Variants in CACNA1C observed in about 807,000 individuals in gnomAD.
CACNA1C encodes calcium voltage-gated channel subunit alpha1 C, also known as voltage-dependent L-type calcium channel subunit alpha-1C.
CACNA1C carries 30 observed loss-of-function variants against 229.0 expected under a neutral mutation model. The observed-to-expected ratio is 0.13, with a 90% CI of 0.10 to 0.18. The LOEUF (loss-of-function observed/expected upper bound fraction) is 0.18, where lower values mean the gene tolerates loss of function less well. CACNA1C is among the 10% of genes least tolerant of loss of function. The pLI is 1.00. For missense variants in CACNA1C, 1,658 were observed against 2,845.0 expected, an observed-to-expected ratio of 0.58 and a Z score of 9.49; for synonymous variants, 1,114 against 1,132.5, an observed-to-expected ratio of 0.98 and a Z score of 0.33.
At chr12:2,288,546 C>G (rs1317694152) in intron 3 of CACNA1C, 1 of 152,270 alleles carries the variant, frequency 6.6e-6, no homozygotes, top group African/African-American at 2.4e-5. Flanking sequence ...GTCTGTTTTT[C>G]CAGGGTCTTG....
intron 1 of CACNA1C, among the ~76,000 whole-genome samples, chr12:2,035,186 C>T (rs1028794077): frequency 4.6e-5 from 7 of 152,250 alleles, no homozygotes; most frequent in African/African-American, 1.4e-4. Flanking sequence ...TGCGCCAAGG[C>T]ACGTTCTCCT....
At position 2,602,575 on chromosome 12, in the gene CACNA1C, A is replaced by G. The variant is rs79181807; in HGVS notation, c.2960+615A>G. On this transcript the variant is annotated intron_variant, in intron 22 of 46. Coordinates refer to ENST00000399655, the MANE Select transcript of CACNA1C (RefSeq NM_000719.7). The surrounding 1 kb of genome is among the most constrained non-coding windows in gnomAD (Gnocchi z 4.4). ...TGGACGTGAATGTATATGTGTATGT[A>G]TGTGCATATGTATGTGTGAGTGCAT... Among the ~76,000 whole-genome samples the G allele has an allele frequency of 0.01, 1,546 of 150,892 alleles. 31 individuals carry two copies. The highest frequency in any genetic ancestry group is 0.035 in the African/African-American group (1,444 of 40,956).
In CACNA1C at chr12:2,034,247, G is replaced by C. The variant is rs934599336; in HGVS notation, c.139+63046G>C. ...CTTAGTGTGGGAAAGTTAAGATTTT[G>C]CCACATCCAAGTCCTTTTAGATCCA... On this transcript the variant is annotated intron_variant, in intron 1 of 46. Coordinates refer to the CACNA1C transcript ENST00000682462. This position sits in a 1 kb window ranked among gnomAD's most constrained non-coding sequence, Gnocchi z 4.1. 2.0e-5 allele frequency among the ~76,000 whole-genome samples: 3 copies of C among 152,202 alleles called. No individual in the cohort carries two copies. The highest frequency in any genetic ancestry group is 4.4e-5 in the Non-Finnish European group (3 of 68,038).
intron 3 of CACNA1C, among the ~76,000 whole-genome samples, chr12:2,440,362 G>T (rs1339212742): frequency 6.6e-6 from 1 of 152,178 alleles, no homozygotes; most frequent in Non-Finnish European, 1.5e-5. Context: ...TTTCATGTAA[G>T]TGGGATCATA....
At position 2,440,672 on chromosome 12, in the gene CACNA1C, T is replaced by C. The variant is rs141453465; in HGVS notation, c.478-8304T>C. Among the ~76,000 whole-genome samples the C allele has an allele frequency of 3.0e-3, 461 of 152,270 alleles. 2 individuals are homozygous for C. The highest frequency in any genetic ancestry group is 6.7e-3 in the Admixed American group (102 of 15,298). ...CCAGGGGTTTCAGACAGTCCATGGA[T>C]AGAGACGGCCGTGCTTCAGCAGAAG... On this transcript the variant is annotated intron_variant, in intron 3 of 46. Transcript: ENST00000399655.
intron 1 of CACNA1C, among the ~76,000 whole-genome samples, chr12:2,101,674 C>A (rs556525915): frequency 1.3e-5 from 2 of 152,078 alleles, no homozygotes; most frequent in Non-Finnish European, 2.9e-5. Context: ...CAGGTCCTGC[C>A]GGTTCCCAAG....
In CACNA1C at chr12:2,112,653, G is replaced by A. The variant is rs531069111; in HGVS notation, c.50-2571G>A. Reference sequence around the variant, plus strand: ...CGGTAGAGCAGGTGGCAACTGTTGCGGGACAGGAGGCAGCTGACCAGCTGG... The same window carrying A: ...CGGTAGAGCAGGTGGCAACTGTTGCAGGACAGGAGGCAGCTGACCAGCTGG... On this transcript the variant is annotated intron_variant, in intron 1 of 46. Coordinates refer to ENST00000399655, the MANE Select transcript of CACNA1C (RefSeq NM_000719.7). Among the ~76,000 whole-genome samples, 6 of 152,268 alleles carry A rather than the reference G, an allele frequency of 3.9e-5. No individual in the cohort carries two copies. In the South Asian group the frequency reaches 6.2e-4, roughly 16 times the overall value.
At chr12:2,521,098 G>A (rs1345676676) in intron 9 of CACNA1C, among the ~76,000 whole-genome samples, 1 of 152,216 alleles carries the variant, frequency 6.6e-6, no homozygotes, top group Non-Finnish European at 1.5e-5. Flanking sequence ...GAATCCAGAT[G>A]GCTAGGTTTA....
At chr12:2,667,270 ACCATGGCCACTCCACGCTCCT>A (rs1569148351) in intron 37 of CACNA1C, among the ~76,000 whole-genome samples, 25 of 152,032 alleles carry the variant, frequency 1.6e-4, no homozygotes, top group South Asian at 6.3e-4. Flanking sequence ...CCTCCCCTCC[ACCATGGCCACTCCACGCTCCT>A]TTTCTCCCTC....
intron 3 of CACNA1C, among the ~76,000 whole-genome samples, chr12:2,412,264 A>G (rs1021990246): frequency 6.6e-6 from 1 of 152,186 alleles, no homozygotes. Context: ...TCCACAGCAC[A>G]CACCGGAGAG....
At chr12:2,123,656 C>G (rs921957754) in intron 3 of CACNA1C, among the ~76,000 whole-genome samples, 1 of 152,144 alleles carries the variant, frequency 6.6e-6, no homozygotes, top group Non-Finnish European at 1.5e-5. Context: ...TTCCCTTGGC[C>G]GGGTTGATGG....
At chr12:2,087,523 GAAAA>G (rs1169467510) in intron 1 of CACNA1C, among the ~76,000 whole-genome samples, 1 of 152,184 alleles carries the variant, frequency 6.6e-6, no homozygotes, top group Non-Finnish European at 1.5e-5. Flanking sequence ...CGTATATGTA[GAAAA>G]ATTGCAAAGG....
At chr12:2,687,720 G>A (rs913658728) in intron 45 of CACNA1C, among the ~76,000 whole-genome samples, 2 of 152,108 alleles carry the variant, frequency 1.3e-5, no homozygotes, top group African/African-American at 4.8e-5. Context: ...TGCATTTGTA[G>A]TAGAGACTGG....
At chr12:2,004,103 C>A in intron 1 of CACNA1C, 1 of 849,896 alleles carries the variant, frequency 1.2e-6, no homozygotes, top group African/African-American at 1.7e-5. Context: ...ACAGATCCGC[C>A]TTCCTTCCCC....
intron 3 of CACNA1C, among the ~76,000 whole-genome samples, chr12:2,194,508 G>C (rs977512838): frequency 1.3e-5 from 2 of 151,832 alleles, no homozygotes; most frequent in Admixed American, 1.3e-4. Context: ...TTCATGTACT[G>C]TTCTTTCTCT....
At chr12:2,377,159 T>G (rs1197639579) in intron 3 of CACNA1C, among the ~76,000 whole-genome samples, 1 of 152,132 alleles carries the variant, frequency 6.6e-6, no homozygotes, top group African/African-American at 2.4e-5. Flanking sequence ...AGAAATTAAA[T>G]GGGCTGTCCT....
chr12:2,567,817 T>G, intron 13 of CACNA1C, 23 bp downstream of exon 13: 1 of 1,428,598 alleles, frequency 7.0e-7, no homozygotes, highest in Non-Finnish European at 9.8e-7. Context: ...CCCTCTCACT[T>G]TGAAGAGGGG....
intron 15 of CACNA1C, among the ~76,000 whole-genome samples, chr12:2,583,487 A>G (rs1346670033): frequency 6.6e-6 from 1 of 152,228 alleles, no homozygotes; most frequent in South Asian, 2.1e-4. Flanking sequence ...TTTCCAGGGC[A>G]CAAGCCACGG....
intron 3 of CACNA1C, among the ~76,000 whole-genome samples, chr12:2,387,855 T>G (rs2098419531): frequency 6.6e-6 from 1 of 152,182 alleles, no homozygotes; most frequent in Admixed American, 6.5e-5. Context: ...GAAGCCATTT[T>G]CAGGAGTCTG....
Sources: gnomAD v4.1 joint callset for allele counts (sites outside exome capture counted in the v4.1 genomes callset) on GRCh38, gnomAD v4.1.1 for gene constraint, Gnocchi (gnomAD v3.1) non-coding constraint, MANE v1.5 for transcripts, NCBI Gene and HGNC (gene_info 2026-07-23, HGNC 2026-07-21) for gene names.